IQSEC1: variants seen among roughly 807,000 people sequenced by gnomAD.
The protein encoded by IQSEC1 is IQ motif and SEC7 domain-containing protein 1.
Under a neutral mutation model 91.0 loss-of-function variants are expected in IQSEC1, and 31 were observed. That is an observed-to-expected ratio of 0.34 (90% CI 0.26 to 0.46). The LOEUF is 0.46. Among genes scored for constraint, IQSEC1 ranks in the 20% least tolerant of loss-of-function variants. The pLI, the probability that IQSEC1 is intolerant of heterozygous loss-of-function variation, is 1.00. For synonymous variants in IQSEC1, 699 were observed against 662.6 expected (o/e 1.05, Z -0.84); for missense variants, 1,388 against 1,575.6 (o/e 0.88, Z 2.02).
chr3:13,056,706 C>G (rs1020568576), intron 1 of IQSEC1, among the ~76,000 whole-genome samples: 2 of 152,126 alleles, frequency 1.3e-5, no homozygotes, highest in South Asian at 4.2e-4. Flanking sequence ...TCTGAGCCCT[C>G]CCAACCTCAG....
At chr3:12,959,085 G>A (rs1700090388) in intron 1 of IQSEC1, among the ~76,000 whole-genome samples, 1 of 152,208 alleles carries the variant, frequency 6.6e-6, no homozygotes, top group Non-Finnish European at 1.5e-5. Flanking sequence ...CCTAGAGAGG[G>A]TTGCTGGGTG....
Position 12,941,653 on chromosome 3 carries a change from T to G in IQSEC1, c.236A>C (p.Lys79Thr). The change falls in exon 2 of 14, where the codon AAG (lysine) becomes ACG (threonine). Residue 79 changes from lysine (K) to threonine (T), a missense_variant. Physicochemically the swap from Lys to Thr is moderately conservative, Grantham distance 78. Coordinates refer to ENST00000613206, the MANE Select transcript of IQSEC1 (RefSeq NM_001134382.3). Reference sequence around the variant, plus strand: ...CTTGATGGCCTCCTCCTCAGCCTGCTTGCGCAGGATGGAGGTCGAGTGCTG... The same window carrying G: ...CTTGATGGCCTCCTCCTCAGCCTGCGTGCGCAGGATGGAGGTCGAGTGCTG... ...KLQHSTSILR[K>T]QAEEEAIKRS... 1.9e-6 allele frequency: 3 copies of G among 1,612,902 alleles called. No individual in the cohort carries two copies. Among genetic ancestry groups the G allele is most frequent in the Non-Finnish European group, 2.5e-6 (3 of 1,179,828 alleles).
intron 1 of IQSEC1, among the ~76,000 whole-genome samples, chr3:13,180,892 T>TA (rs59581165): frequency 0.062 from 9,373 of 152,192 alleles, 308 homozygotes; most frequent in Non-Finnish European, 0.07. Context: ...ATGCCACCTT[T>TA]AAGACCTGTA....
chr3:13,023,585 G>A (rs1413689869), intron 1 of IQSEC1, among the ~76,000 whole-genome samples: 1 of 152,122 alleles, frequency 6.6e-6, no homozygotes, highest in East Asian at 1.9e-4. Context: ...GCAGAAACAG[G>A]GAGGGTGGGG....
intron 1 of IQSEC1, among the ~76,000 whole-genome samples, chr3:13,066,760 T>G (rs1226384680): frequency 6.6e-6 from 1 of 152,206 alleles, no homozygotes; most frequent in Non-Finnish European, 1.5e-5. Context: ...CCACCAGGTC[T>G]TATTTACTGT....
chr3:13,136,838 T>A (rs1042805957), intron 2 of IQSEC1, among the ~76,000 whole-genome samples: 4 of 152,126 alleles, frequency 2.6e-5, no homozygotes, highest in African/African-American at 9.7e-5. Context: ...GAAGGACCAC[T>A]TTAAAAATCA....
At chr3:13,071,164 TTTG>T (rs201742332) in intron 1 of IQSEC1, among the ~76,000 whole-genome samples, 35,310 of 140,012 alleles carry the variant, frequency 0.25, 4,435 homozygotes, top group East Asian at 0.31. Context: ...TTTTTTTTTT[TTTG>T]TTTGTTTCTT....
chr3:12,934,258 T>C (rs1697964614), intron 3 of IQSEC1, among the ~76,000 whole-genome samples: 1 of 152,230 alleles, frequency 6.6e-6, no homozygotes, highest in African/African-American at 2.4e-5. Flanking sequence ...TCTTTGTTCT[T>C]AGCTGAGCAA....
At chr3:13,161,806 C>T (rs564746672) in intron 2 of IQSEC1, among the ~76,000 whole-genome samples, 24 of 152,308 alleles carry the variant, frequency 1.6e-4, no homozygotes, top group Admixed American at 1.3e-3. Context: ...CTCCCTTGCC[C>T]GGCTTCTCCT....
rs557673595 is a variant in IQSEC1 at position 13,144,928 on chromosome 3, G to A, written c.302+19176C>T. 9.2e-5 allele frequency among the ~76,000 whole-genome samples: 14 copies of A among 152,348 alleles called. No homozygotes were observed. In the South Asian group the frequency reaches 1.7e-3, roughly 18 times the overall value. On this transcript the variant is annotated intron_variant, in intron 2 of 15. Coordinates refer to the IQSEC1 transcript ENST00000648114. ...ACTCTGGCCATGGCAGGGCTAAGGC[G>A]AGGTCCCTGAGATGTACTGAAGGCC...
chr3:13,047,541 G>C (rs960014368), intron 1 of IQSEC1: 23 of 984,024 alleles, frequency 2.3e-5, no homozygotes, highest in Non-Finnish European at 2.8e-5. Context: ...GCAAAAGCGA[G>C]ACAGGGTTAC....
At chr3:13,247,388 A>G (rs1319018250) in intron 1 of IQSEC1, among the ~76,000 whole-genome samples, 2 of 152,118 alleles carry the variant, frequency 1.3e-5, no homozygotes, top group Non-Finnish European at 2.9e-5. Flanking sequence ...TCTGTCGGGG[A>G]CAGCCAGAGG....
intron 1 of IQSEC1, among the ~76,000 whole-genome samples, chr3:13,235,175 G>A (rs565709139): frequency 5.5e-4 from 83 of 152,286 alleles, no homozygotes; most frequent in Middle Eastern, 3.4e-3. Context: ...TCCAAAGTGG[G>A]GTGGGGCTGC....
intron 1 of IQSEC1, among the ~76,000 whole-genome samples, chr3:12,954,313 C>G (rs1317972782): frequency 2.0e-5 from 3 of 152,172 alleles, no homozygotes; most frequent in Non-Finnish European, 4.4e-5. Context: ...GAGAGGGCAG[C>G]CCCTAGAACC....
At chr3:13,072,869 C>A in intron 1 of IQSEC1, 123 bp downstream of exon 1, 1 of 850,070 alleles carries the variant, frequency 1.2e-6, no homozygotes, top group South Asian at 1.5e-5. Flanking sequence ...TGGCCAGCTC[C>A]CTCTGCAAGT....
intron 2 of IQSEC1, among the ~76,000 whole-genome samples, chr3:13,145,806 G>GT (rs201380374): frequency 1.0e-4 from 7 of 67,724 alleles, no homozygotes; most frequent in Non-Finnish European, 1.8e-4. Context: ...CCCGGGGGCG[G>GT]GGGGGGGGGG....
intron 1 of IQSEC1, among the ~76,000 whole-genome samples, chr3:13,024,969 A>G (rs933380300): frequency 8.5e-5 from 13 of 152,338 alleles, no homozygotes; most frequent in African/African-American, 3.1e-4. Context: ...TGATACCACA[A>G]CTGTGTGACC....
chr3:12,902,658 C>CAGAAAAAAAAAAAAAAA (rs1694460065), intron 13 of IQSEC1, 115 bp downstream of exon 13: 1 of 264,632 alleles, frequency 3.8e-6, no homozygotes, highest in Non-Finnish European at 7.0e-6. Flanking sequence ...AAAAAAACAA[C>CAGAAAAAAAAAAAAAAA]AAAAAAAAAA....
chr3:13,027,934 T>C (rs1320846357), intron 1 of IQSEC1, among the ~76,000 whole-genome samples: 1 of 152,248 alleles, frequency 6.6e-6, no homozygotes, highest in Non-Finnish European at 1.5e-5. Context: ...GTTAATCCTA[T>C]GCAAGCCAAA....
Sources: gnomAD v4.1 joint callset for allele counts (sites outside exome capture counted in the v4.1 genomes callset) on GRCh38, gnomAD v4.1.1 for gene constraint, MANE v1.5 for transcripts, NCBI Gene and HGNC (gene_info 2026-07-23, HGNC 2026-07-21) for gene names.